ASIC2: variants seen among roughly 807,000 people sequenced by gnomAD.
ASIC2 encodes the protein acid-sensing ion channel 2.
Under a neutral mutation model 57.3 loss-of-function variants are expected in ASIC2, and 25 were observed. The ratio of observed to expected loss-of-function variants is 0.44; its 90% CI spans 0.32 to 0.61. The LOEUF is 0.61. Ranked by LOEUF, ASIC2 falls within the 20% of genes least tolerant of loss-of-function variation. The pLI is 0.06. For synonymous variants in ASIC2, 319 were observed against 307.5 expected (o/e 1.04, Z -0.39); for missense variants, 641 against 738.1 (o/e 0.87, Z 1.52).
At chr17:33,934,766 G>A (rs1210416886) in intron 1 of ASIC2, among the ~76,000 whole-genome samples, 1 of 152,134 alleles carries the variant, frequency 6.6e-6, no homozygotes, top group African/African-American at 2.4e-5. Context: ...CAACACACTT[G>A]CATACACCCA....
intron 1 of ASIC2, among the ~76,000 whole-genome samples, chr17:33,504,763 C>T (rs1249919522): frequency 6.6e-6 from 1 of 152,232 alleles, no homozygotes; most frequent in African/African-American, 2.4e-5. Flanking sequence ...TGCAAATCAG[C>T]TCTTTCCATC....
At chr17:33,469,050 G>C (rs991911826) in intron 1 of ASIC2, among the ~76,000 whole-genome samples, 12 of 152,234 alleles carry the variant, frequency 7.9e-5, no homozygotes, top group African/African-American at 2.9e-4. Flanking sequence ...AGAGTTGTTT[G>C]CAATACCTAA....
chr17:34,036,720 CCTTT>C (rs1907901891), intron 1 of ASIC2: 1 of 92,410 alleles, frequency 1.1e-5, no homozygotes, highest in African/African-American at 4.4e-5. Context: ...GACAGATGAA[CCTTT>C]ATTTAAAAAA....
chr17:33,549,224 C>T (rs768324566), intron 1 of ASIC2, among the ~76,000 whole-genome samples: 15 of 152,056 alleles, frequency 9.9e-5, no homozygotes, highest in Non-Finnish European at 1.9e-4. Context: ...GTCCTTTTAG[C>T]GCGAACACTT....
At chr17:33,822,236 G>C (rs575923549) in intron 1 of ASIC2, among the ~76,000 whole-genome samples, 1 of 152,310 alleles carries the variant, frequency 6.6e-6, no homozygotes, top group South Asian at 2.1e-4. Flanking sequence ...TTATGGGCTA[G>C]GCTGCCTCTC....
At chr17:33,963,612 T>C (rs975635594) in intron 1 of ASIC2, among the ~76,000 whole-genome samples, 11 of 151,754 alleles carry the variant, frequency 7.2e-5, no homozygotes, top group African/African-American at 2.7e-4. Context: ...GTTATTGTTA[T>C]ATTATATATT....
chr17:33,741,634 T>C lies in ASIC2; in HGVS notation c.555+414344A>G, dbSNP rs559850740. Among the ~76,000 whole-genome samples the C allele has an allele frequency of 1.3e-3, 201 of 152,294 alleles. 2 individuals carry two copies. Among genetic ancestry groups the C allele is most frequent in the African/African-American group, 4.7e-3 (197 of 41,572 alleles). On this transcript the variant is annotated intron_variant, in intron 1 of 9. Transcript: ENST00000359872. ...CAAGCATTATCTCCAGGCATGCTGGTAGTCAGAGTTATCCATCTCAGCTTC... is the reference window on the plus strand; with the variant it reads ...CAAGCATTATCTCCAGGCATGCTGGCAGTCAGAGTTATCCATCTCAGCTTC...
At chr17:33,372,817 G>A (rs987766453) in intron 1 of ASIC2, among the ~76,000 whole-genome samples, 19 of 152,210 alleles carry the variant, frequency 1.2e-4, no homozygotes, top group South Asian at 2.1e-4. Flanking sequence ...TGGGAGGTCC[G>A]TCTTGGCTGA....
chr17:33,929,075 C>A (rs911752391), intron 1 of ASIC2, among the ~76,000 whole-genome samples: 1 of 152,120 alleles, frequency 6.6e-6, no homozygotes, highest in South Asian at 2.1e-4. Flanking sequence ...TGCACAAGAA[C>A]GCTATTTGAG....
chr17:33,342,540 G>A (rs1447249146), intron 1 of ASIC2, among the ~76,000 whole-genome samples: 1 of 152,122 alleles, frequency 6.6e-6, no homozygotes, highest in South Asian at 2.1e-4. Context: ...CTTGCCTGCT[G>A]TGCTCCCAAT....
At chr17:33,628,977 C>T (rs141844767) in intron 1 of ASIC2, among the ~76,000 whole-genome samples, 6 of 152,262 alleles carry the variant, frequency 3.9e-5, no homozygotes, top group East Asian at 3.9e-4. Context: ...AGCATGGATG[C>T]GGCCGTTCTC....
intron 2 of ASIC2, among the ~76,000 whole-genome samples, chr17:33,102,950 A>AT (rs1438657425): frequency 1.4e-4 from 21 of 151,836 alleles, no homozygotes; most frequent in Non-Finnish European, 2.4e-4. Flanking sequence ...CGCCCGGCTA[A>AT]TTTTTTGTAT....
chr17:33,766,051 G>C (rs534088660), intron 1 of ASIC2, among the ~76,000 whole-genome samples: 5 of 152,118 alleles, frequency 3.3e-5, no homozygotes, highest in African/African-American at 1.2e-4. Flanking sequence ...AGCATATAAT[G>C]GTCCCTCTTT....
chr17:33,017,455 C>T lies in ASIC2; in HGVS notation c.1521+150G>A, dbSNP rs567215829. 6.4e-4 allele frequency: 417 copies of T among 651,602 alleles called. 2 individuals carry two copies. Among genetic ancestry groups the T allele is most frequent in the South Asian group, 1.0e-3 (48 of 46,466 alleles). 40.4% of individuals were successfully genotyped at this position (651,602 alleles called of 1,614,324 possible). On this transcript the variant is annotated intron_variant, in intron 8 of 9. Coordinates refer to ENST00000225823, the MANE Select transcript of ASIC2 (RefSeq NM_183377.2). ...ATCCCCTTGCCCCACAGAGCCTGGG[C>T]TTCAGTGATCGACTCTATTGGTGGA...
intron 1 of ASIC2, among the ~76,000 whole-genome samples, chr17:33,190,640 T>C (rs1306318446): frequency 6.6e-6 from 1 of 152,212 alleles, no homozygotes; most frequent in Non-Finnish European, 1.5e-5. Context: ...GTGTAAACTA[T>C]AATAACCAAG....
chr17:34,051,382 G>A (rs1218413479), intron 1 of ASIC2, among the ~76,000 whole-genome samples: 1 of 152,182 alleles, frequency 6.6e-6, no homozygotes, highest in African/African-American at 2.4e-5. Context: ...ACTTTCAGCT[G>A]TGCACCTTTG....
intron 1 of ASIC2, among the ~76,000 whole-genome samples, chr17:33,274,608 A>T (rs143936174): frequency 6.6e-6 from 1 of 151,544 alleles, no homozygotes; most frequent in Non-Finnish European, 1.5e-5. Flanking sequence ...GACTGCATAT[A>T]TCAGTGACTC....
intron 1 of ASIC2, among the ~76,000 whole-genome samples, chr17:33,748,744 TA>T (rs1269112397): frequency 1.3e-5 from 2 of 152,202 alleles, no homozygotes; most frequent in Non-Finnish European, 2.9e-5. Context: ...TCCAGGATGA[TA>T]AATATATAAG....
chr17:34,086,584 T>A (rs1489558945), intron 1 of ASIC2, among the ~76,000 whole-genome samples: 1 of 152,206 alleles, frequency 6.6e-6, no homozygotes, highest in Non-Finnish European at 1.5e-5. Context: ...GTTCAATTCC[T>A]GGGTATCCTT....
Sources: gnomAD v4.1 joint callset for allele counts (sites outside exome capture counted in the v4.1 genomes callset) on GRCh38, gnomAD v4.1.1 for gene constraint, MANE v1.5 for transcripts, NCBI Gene and HGNC (gene_info 2026-07-23, HGNC 2026-07-21) for gene names.